Variants in DSC1 observed in about 807,000 individuals in gnomAD.
The protein encoded by DSC1 is desmocollin 1.
In DSC1, 79 loss-of-function variants were observed where a neutral mutation model predicts 98.8. The observed-to-expected ratio is 0.80, with a 90% confidence interval of 0.67 to 0.96. The LOEUF (loss-of-function observed/expected upper bound fraction) is 0.96, where lower values mean the gene tolerates loss of function less well. Among genes scored for constraint, DSC1 ranks in the 50% least tolerant of loss-of-function variants. DSC1 has a pLI of 0.00. For missense variants in DSC1, 1,115 were observed against 1,075.9 expected (o/e 1.04, Z -0.51); for synonymous variants, 405 against 372.1 (o/e 1.09, Z -1.02).
rs148472056 is a variant in DSC1 at position 31,148,074 on chromosome 18, A to G, written c.772+424T>C. On this transcript the variant is annotated intron_variant, in intron 6 of 15. Transcript: ENST00000257198. ...TAATATTCTCTATGGATTTCTGGGTATAGTCCCTTTTATACTGAACAACAA... is the reference window on the plus strand; with the variant it reads ...TAATATTCTCTATGGATTTCTGGGTGTAGTCCCTTTTATACTGAACAACAA... Among the ~76,000 whole-genome samples the G allele has an allele frequency of 2.0e-5, 3 of 152,262 alleles. No homozygotes were observed. In the East Asian group the frequency reaches 5.8e-4, roughly 29 times the overall value.
At chr18:31,131,912 TC>T (rs1443702713) in intron 14 of DSC1, 70 bp from the exon 15 acceptor site, 8 of 1,552,006 alleles carry the variant, frequency 5.2e-6, no homozygotes, top group Non-Finnish European at 6.1e-6. Context: ...TCATTTTTTT[TC>T]ACCATAGGCA....
chr18:31,154,651 T>C, intron 5 of DSC1, 123 bp downstream of exon 5: 2 of 918,730 alleles, frequency 2.2e-6, no homozygotes, highest in Non-Finnish European at 1.5e-6. Flanking sequence ...TTATATTGCA[T>C]ATTAATATCT....
At chr18:31,136,691 T>C (rs1988617443) in intron 11 of DSC1, among the ~76,000 whole-genome samples, 1 of 152,194 alleles carries the variant, frequency 6.6e-6, no homozygotes, top group South Asian at 2.1e-4. Flanking sequence ...AGCTAAAAAA[T>C]ATATGTTGCA....
rs1370395932 is a variant in DSC1 at position 31,149,727 on chromosome 18, C to CA, written c.628-1086dup. Among the ~76,000 whole-genome samples, 13 of 152,126 alleles carry CA rather than the reference C, an allele frequency of 8.5e-5. No individual in the cohort carries two copies. In the East Asian group the frequency reaches 2.5e-3, roughly 29 times the overall value. On this transcript the variant is annotated intron_variant, in intron 5 of 15. Transcript: ENST00000257198. ...ACTGCTAAATTAACCACAAAATCCT[C>CA]ATTATTGTGTTAAAAGGCAACATTT...
intron 3 of DSC1, 72 bp downstream of exon 3, chr18:31,157,299 A>G: frequency 2.0e-6 from 3 of 1,470,744 alleles, no homozygotes; most frequent in Admixed American, 2.0e-5. Flanking sequence ...GAAACACGTT[A>G]AAACACATGA....
intron 6 of DSC1, among the ~76,000 whole-genome samples, chr18:31,146,093 A>C (rs1264036728): frequency 6.6e-6 from 1 of 152,124 alleles, no homozygotes; most frequent in Non-Finnish European, 1.5e-5. Flanking sequence ...AATTTAACTT[A>C]ATTTAATTTT....
chr18:31,143,725 T>C lies in DSC1; in HGVS notation c.1006A>G (p.Asn336Asp). 6.2e-7 allele frequency: 1 copy of C among 1,604,092 alleles called. No homozygotes were observed. Among genetic ancestry groups the C allele is most frequent in the Non-Finnish European group, 8.5e-7 (1 of 1,174,648 alleles). The change falls in exon 8 of 16, where the codon AAT (asparagine) becomes GAT (aspartate). Residue 336 changes from asparagine (N) to aspartate (D), a missense_variant. Asn to Asp is a conservative substitution (Grantham distance 23, BLOSUM62 1). Transcript: ENST00000257198. Reference protein sequence around the residue: ...DMGGQPFGLFNTGTITISLED... With the variant: ...DMGGQPFGLFDTGTITISLED... ...AGTGAAATAGTAATTGTTCCTGTAT[T>C]AAATAAACCGAAAGGCTGACCACCC...
At chr18:31,150,358 C>T (rs1342329395) in intron 5 of DSC1, among the ~76,000 whole-genome samples, 15 of 58,980 alleles carry the variant, frequency 2.5e-4, no homozygotes, top group African/African-American at 4.1e-4. Flanking sequence ...CCACCACCAC[C>T]ATCATCACCA....
At chr18:31,146,059 C>G (rs922489073) in intron 6 of DSC1, among the ~76,000 whole-genome samples, 3 of 152,150 alleles carry the variant, frequency 2.0e-5, no homozygotes, top group African/African-American at 7.2e-5. Context: ...AATTCTTTCT[C>G]TCTAAGTTCA....
rs1366277567 is a variant in DSC1 at position 31,159,262 on chromosome 18, C to T, written c.148+183G>A. ...TAGAGACGGGGTTTCACCTTGTTAG[C>T]CAGGATGGTCTCGATCTCCTGACCT... On this transcript the variant is annotated intron_variant, in intron 2 of 15. Coordinates refer to ENST00000257198, the MANE Select transcript of DSC1 (RefSeq NM_024421.2). Among the ~76,000 whole-genome samples the T allele has an allele frequency of 3.4e-5, 5 of 147,378 alleles. No homozygotes were observed. The East Asian group carries it at 8.0e-4, about 23-fold the overall frequency.
In DSC1 at chr18:31,133,930, C is replaced by G. The variant is rs141277927; in HGVS notation, c.2077G>C (p.Ala693Pro). The G allele has an allele frequency of 6.2e-7, 1 of 1,613,086 alleles. No individual in the cohort carries two copies. The highest frequency in any genetic ancestry group is 1.1e-5 in the South Asian group (1 of 91,034). ...GAACCCAACACCATAGCAAGAATAG[C>G]CCATCTTCCAAGTATTACATTTGGT... ...VRPNVILGRW[A>P]ILAMVLGSVL... The change falls in exon 13 of 16, where the codon GCT becomes CCT. Residue 693 changes from alanine (A) to proline (P), a missense_variant. Transcript: ENST00000257198.
In DSC1 at chr18:31,140,319, T is replaced by G; in HGVS notation, c.1261-18A>C. The stretch of plus-strand genomic sequence containing the variant: ...TTCAATGGCTGTTAAATAAGCATAC[T>G]TTAATAAGTCAATATATAACATTAT... On this transcript the variant is annotated intron_variant, in intron 9 of 15. Transcript: ENST00000257198. 6.2e-7 allele frequency: 1 copy of G among 1,611,678 alleles called. No individual in the cohort carries two copies. The highest frequency in any genetic ancestry group is 8.5e-7 in the Non-Finnish European group (1 of 1,178,366).
At chr18:31,139,995 A>G (rs1253083209) in intron 10 of DSC1, 47 bp downstream of exon 10, 1 of 1,577,840 alleles carries the variant, frequency 6.3e-7, no homozygotes, top group Non-Finnish European at 8.6e-7. Context: ...TTTAAAAACA[A>G]TTTACATCAC....
intron 7 of DSC1, among the ~76,000 whole-genome samples, chr18:31,144,936 C>T (rs185313990): frequency 0.011 from 1,091 of 95,162 alleles, 87 homozygotes; most frequent in Middle Eastern, 0.042. Flanking sequence ...TTTTCTTTTT[C>T]TTTCTTTTTT....
chr18:31,158,593 C>T (rs188234847), intron 2 of DSC1, among the ~76,000 whole-genome samples: 25 of 152,166 alleles, frequency 1.6e-4, no homozygotes, highest in Admixed American at 1.6e-3. Context: ...AAAAATTTTA[C>T]GTTTGGGCTC....
At chr18:31,159,117 A>G (rs1989159988) in intron 2 of DSC1, among the ~76,000 whole-genome samples, 1 of 79,740 alleles carries the variant, frequency 1.3e-5, no homozygotes, top group Non-Finnish European at 2.5e-5. Flanking sequence ...GCAGTGGCGC[A>G]ATCTCGGCTC....
At chr18:31,133,032 A>C (rs1285148093) in intron 13 of DSC1, among the ~76,000 whole-genome samples, 2 of 152,156 alleles carry the variant, frequency 1.3e-5, no homozygotes, top group Non-Finnish European at 2.9e-5. Context: ...AAGACTAAGA[A>C]CATTAGGCAT....
chr18:31,148,299 G>C (rs1002546039), intron 6 of DSC1, among the ~76,000 whole-genome samples, 199 bp downstream of exon 6: 13 of 152,068 alleles, frequency 8.5e-5, no homozygotes, highest in African/African-American at 3.1e-4. Flanking sequence ...TTAAATTTAA[G>C]AAAGTGTGCT....
At chr18:31,140,772 A>G (rs1988717880) in intron 9 of DSC1, among the ~76,000 whole-genome samples, 1 of 152,188 alleles carries the variant, frequency 6.6e-6, no homozygotes, top group Non-Finnish European at 1.5e-5. Context: ...AGCACATTAT[A>G]TTTCAGGCTG....
Sources: allele counts gnomAD v4.1 joint callset (sites outside exome capture counted in the v4.1 genomes callset), GRCh38; gene constraint gnomAD v4.1.1; transcripts MANE v1.5; gene names NCBI Gene and HGNC (gene_info 2026-07-23, HGNC 2026-07-21).